CDH1: variants seen among roughly 807,000 people sequenced by gnomAD.
CDH1 encodes the protein cadherin 1, also known as cadherin-1.
In CDH1, 35 loss-of-function variants were observed where a neutral mutation model predicts 84.5. The ratio of observed to expected loss-of-function variants is 0.41; its 90% CI spans 0.32 to 0.55. CDH1 has a LOEUF of 0.55. Ranked by LOEUF, CDH1 falls within the 20% of genes least tolerant of loss-of-function variation. The pLI, the probability that CDH1 is intolerant of heterozygous loss-of-function variation, is 0.19. For missense variants in CDH1, 994 were observed against 1,126.6 expected (o/e 0.88, Z 1.68); for synonymous variants, 417 against 439.0 (o/e 0.95, Z 0.63).
intron 2 of CDH1, among the ~76,000 whole-genome samples, chr16:68,787,732 C>T (rs1282323253): frequency 6.6e-6 from 1 of 152,020 alleles, no homozygotes; most frequent in Admixed American, 6.6e-5. Flanking sequence ...AATCTCAGCT[C>T]ACTGCAACCT....
At chr16:68,785,073 T>TGTCTCCC (rs563234305) in intron 2 of CDH1, among the ~76,000 whole-genome samples, 334 of 152,332 alleles carry the variant, frequency 2.2e-3, no homozygotes, top group Non-Finnish European at 3.6e-3. Context: ...ACTCCCACCC[T>TGTCTCCC]GTCTCCCTTT....
chr16:68,809,247 T>G (rs1960755185), intron 5 of CDH1, among the ~76,000 whole-genome samples: 1 of 149,422 alleles, frequency 6.7e-6, no homozygotes, highest in Admixed American at 6.7e-5. Flanking sequence ...TTTTTTGAGA[T>G]AGGGTTTCAC....
chr16:68,737,750 G>C (rs1196868477), intron 1 of CDH1, among the ~76,000 whole-genome samples: 1 of 152,142 alleles, frequency 6.6e-6, no homozygotes, highest in Non-Finnish European at 1.5e-5. Flanking sequence ...GGGCGGTGGG[G>C]GCGTGAAGCG....
chr16:68,788,901 A>G (rs1960138690), intron 2 of CDH1, among the ~76,000 whole-genome samples: 1 of 152,120 alleles, frequency 6.6e-6, no homozygotes, highest in Admixed American at 6.5e-5. Flanking sequence ...GCTGCTTGGG[A>G]GGCTGAGGCA....
At chr16:68,777,941 A>G (rs1429131585) in intron 2 of CDH1, among the ~76,000 whole-genome samples, 3 of 152,180 alleles carry the variant, frequency 2.0e-5, no homozygotes, top group Non-Finnish European at 4.4e-5. Context: ...CATGTTGGCC[A>G]GACTGGTCTC....
intron 2 of CDH1, among the ~76,000 whole-genome samples, chr16:68,788,940 G>A (rs1960139784): frequency 6.6e-6 from 1 of 152,176 alleles, no homozygotes; most frequent in Non-Finnish European, 1.5e-5. Flanking sequence ...AGGAGGCGGA[G>A]GTTGCGGTAA....
chr16:68,752,232 G>A (rs1347990517), intron 2 of CDH1, among the ~76,000 whole-genome samples: 2 of 152,108 alleles, frequency 1.3e-5, no homozygotes, highest in East Asian at 1.9e-4. Flanking sequence ...GATTACAGGC[G>A]TGAGCCACCA....
At chr16:68,797,367 C>T (rs900614031) in intron 2 of CDH1, among the ~76,000 whole-genome samples, 2 of 152,058 alleles carry the variant, frequency 1.3e-5, no homozygotes, top group Non-Finnish European at 2.9e-5. Context: ...GCCTGGGTGA[C>T]AGAGTAAAAC....
chr16:68,769,660 G>T (rs1959494136), intron 2 of CDH1, among the ~76,000 whole-genome samples: 2 of 151,586 alleles, frequency 1.3e-5, no homozygotes, highest in South Asian at 4.2e-4. Flanking sequence ...GGGAGTGGTG[G>T]TTCACACCTA....
chr16:68,828,196 G>C lies in CDH1; in HGVS notation c.2187G>C (p.Leu729=), dbSNP rs961833483. ...CAGTTCTGATTCTGCTGCTCTTGCTGTTTCTTCGGAGGAGAGCGGTGGTCA... is the reference window on the plus strand; with the variant it reads ...CAGTTCTGATTCTGCTGCTCTTGCTCTTTCTTCGGAGGAGAGCGGTGGTCA... The part of the protein sequence containing the change: ...ALLILILLLL[L]FLRRRAVVKE... The change falls in exon 14 of 16, where the codon CTG becomes CTC. Residue 729 remains leucine (L), a synonymous_variant. Coordinates refer to ENST00000261769, the MANE Select transcript of CDH1 (RefSeq NM_004360.5). The C allele has an allele frequency of 6.2e-7, 1 of 1,613,952 alleles. No individual in the cohort carries two copies. The highest frequency in any genetic ancestry group is 1.7e-5 in the Admixed American group (1 of 60,004).
chr16:68,807,186 A>G (rs1035968999), intron 3 of CDH1, among the ~76,000 whole-genome samples: 1 of 152,244 alleles, frequency 6.6e-6, no homozygotes, highest in Non-Finnish European at 1.5e-5. Flanking sequence ...AAACTGTTCA[A>G]TACAAGTCTC....
chr16:68,747,414 G>A (rs1962774184), intron 2 of CDH1, among the ~76,000 whole-genome samples: 1 of 152,092 alleles, frequency 6.6e-6, no homozygotes, highest in Non-Finnish European at 1.5e-5. Flanking sequence ...CTCTTTCTGG[G>A]CTTTTCATAG....
intron 12 of CDH1, chr16:68,823,078 G>A (rs960581639): frequency 6.2e-6 from 2 of 324,214 alleles, no homozygotes. Flanking sequence ...TGGGCAAAAA[G>A]GTTCACCCTC....
chr16:68,744,710 T>A (rs982700227), intron 2 of CDH1, among the ~76,000 whole-genome samples: 3 of 152,198 alleles, frequency 2.0e-5, no homozygotes, highest in Non-Finnish European at 2.9e-5. Context: ...CCTAGGGATG[T>A]CAGCCAAGGA....
At chr16:68,745,550 A>ATATATATATATATATATG (rs747315843) in intron 2 of CDH1, among the ~76,000 whole-genome samples, 19 of 50,510 alleles carry the variant, frequency 3.8e-4, no homozygotes, top group South Asian at 2.5e-3. Context: ...AAAAAAAAAA[A>ATATATATATATATATATG]TATATATATA....
At chr16:68,823,358 C>A in intron 12 of CDH1, 41 bp from the exon 13 acceptor site, 1 of 1,396,264 alleles carries the variant, frequency 7.2e-7, no homozygotes, top group South Asian at 1.2e-5. Flanking sequence ...TTTTTATTTT[C>A]CTCCCCTGGT....
intron 10 of CDH1, among the ~76,000 whole-genome samples, chr16:68,817,349 G>A (rs752077452): frequency 7.2e-5 from 11 of 152,198 alleles, no homozygotes; most frequent in Non-Finnish European, 1.5e-4. Context: ...ATTGTTTGGG[G>A]GAGCTGGTCT....
In CDH1 at chr16:68,829,732, A is replaced by C. The variant is rs759380419; in HGVS notation, c.2374A>C (p.Met792Leu). The C allele has an allele frequency of 2.5e-6, 4 of 1,614,012 alleles. No homozygotes were observed. In the South Asian group the frequency reaches 3.3e-5, roughly 13 times the overall value. ...TCGTAACGACGTTGCACCAACCCTC[A>C]TGAGTGTCCCCCGGTATCTTCCCCG... ...VTRNDVAPTLMSVPRYLPRPA... is the reference protein window; with the variant it reads ...VTRNDVAPTLLSVPRYLPRPA... The change falls in exon 15 of 16, where the codon ATG (methionine) becomes CTG (leucine). Residue 792 changes from methionine to leucine, a missense_variant. This residue lies in a region of CDH1 where 769 missense variants were observed against 881.8 expected (regional missense o/e 0.87). Transcript: ENST00000261769.
chr16:68,745,549 A>ATATATATATATATATATATATGT (rs1285099283), intron 2 of CDH1, among the ~76,000 whole-genome samples: 1 of 75,182 alleles, frequency 1.3e-5, no homozygotes, highest in Non-Finnish European at 2.4e-5. Context: ...AAAAAAAAAA[A>ATATATATATATATATATATATGT]ATATATATAT....
Sources: allele counts gnomAD v4.1 joint callset (sites outside exome capture counted in the v4.1 genomes callset), GRCh38; gene constraint gnomAD v4.1.1; regional missense constraint gnomAD v4.1.1; transcripts MANE v1.5; gene names NCBI Gene and HGNC (gene_info 2026-07-23, HGNC 2026-07-21).